The following GRHL2 variants were observed in gnomAD, a reference collection of about 807,000 sequenced individuals.
The protein encoded by GRHL2 is grainyhead-like protein 2 homolog.
In GRHL2, 21 loss-of-function variants were observed where a neutral mutation model predicts 83.8. That is an observed-to-expected ratio of 0.25 (90% confidence interval 0.18 to 0.36). GRHL2 has a LOEUF of 0.36. GRHL2 is among the 10% of genes least tolerant of loss of function. The pLI is 1.00. For synonymous variants in GRHL2, 280 were observed against 278.9 expected (o/e 1.00, Z -0.04); for missense variants, 623 against 781.8 (o/e 0.80, Z 2.42).
intron 3 of GRHL2, 52 bp from the exon 4 acceptor site, chr8:101,558,367 C>T: frequency 3.7e-6 from 6 of 1,605,410 alleles, no homozygotes; most frequent in East Asian, 2.2e-5. Flanking sequence ...TAGGCGTTGC[C>T]GAATGGTGAT....
At chr8:101,620,929 A>AG (rs1344304163) in intron 9 of GRHL2, among the ~76,000 whole-genome samples, 1 of 151,792 alleles carries the variant, frequency 6.6e-6, no homozygotes, top group Non-Finnish European at 1.5e-5. Context: ...CCTGCTTTGG[A>AG]GAAAAAAAAA....
chr8:101,507,834 G>A (rs1229674228), intron 1 of GRHL2, among the ~76,000 whole-genome samples: 2 of 138,056 alleles, frequency 1.4e-5, no homozygotes, highest in African/African-American at 2.8e-5. Flanking sequence ...CTGGAGTGCA[G>A]TGGTGCAGTC....
Position 101,559,351 on chromosome 8 carries a change from T to TGCAAAAAAAAAAAAAAAA in GRHL2, c.678+539_678+540insGCAAAAAAAAAAAAAAAA, listed in dbSNP as rs1285229771. Among the ~76,000 whole-genome samples the TGCAAAAAAAAAAAAAAAA allele has an allele frequency of 1.6e-3, 30 of 19,220 alleles. 2 individuals are homozygous for TGCAAAAAAAAAAAAAAAA. Among genetic ancestry groups the TGCAAAAAAAAAAAAAAAA allele is most frequent in the Non-Finnish European group, 2.7e-3 (18 of 6,754 alleles). 12.6% of individuals were successfully genotyped at this position (19,220 alleles called of 152,430 possible). A position where few individuals can be genotyped will look rare whatever the true frequency, so the allele number is the denominator to read the frequency against. Reference sequence around the variant, plus strand: ...GGTGAACTCCTGTCTCTACTAAAAATACAAAAAAAAAAAAAAAAAAAAAAA... The same window carrying TGCAAAAAAAAAAAAAAAA: ...GGTGAACTCCTGTCTCTACTAAAAATGCAAAAAAAAAAAAAAAAACAAAAAAAAAAAAAAAAAAAAAAA... On this transcript the variant is annotated intron_variant, in intron 4 of 15. Coordinates refer to ENST00000646743, the MANE Select transcript of GRHL2 (RefSeq NM_024915.4).
rs567703895 is a variant in GRHL2 at position 101,502,604 on chromosome 8, G to C, written c.20+9815G>C. On this transcript the variant is annotated intron_variant, in intron 1 of 15. Transcript: ENST00000646743. ...CAGGGACGCTGAGAACTTCTTCCCA[G>C]AGACAGCCCAGGAAGTGTTCATTCT... Among the ~76,000 whole-genome samples the C allele has an allele frequency of 1.5e-3, 222 of 152,314 alleles. 2 individuals carry two copies. The highest frequency in any genetic ancestry group is 4.9e-3 in the African/African-American group (203 of 41,566).
intron 7 of GRHL2, among the ~76,000 whole-genome samples, chr8:101,587,265 G>C (rs577262141): frequency 6.6e-6 from 1 of 152,190 alleles, no homozygotes; most frequent in Non-Finnish European, 1.5e-5. Context: ...TTAAAGCCAT[G>C]AGCAGTTAAC....
At chr8:101,651,398 T>C (rs377603340) in intron 14 of GRHL2, among the ~76,000 whole-genome samples, 2 of 152,246 alleles carry the variant, frequency 1.3e-5, no homozygotes, top group Admixed American at 6.5e-5. Context: ...CAGGAACTTA[T>C]ATTTTTAACG....
At chr8:101,646,733 T>C (rs1418225226) in intron 13 of GRHL2, among the ~76,000 whole-genome samples, 2 of 152,248 alleles carry the variant, frequency 1.3e-5, no homozygotes, top group Non-Finnish European at 2.9e-5. Flanking sequence ...GCTGCCCATG[T>C]GGCCACCTGC....
chr8:101,581,650 C>T (rs1011731574), intron 7 of GRHL2, among the ~76,000 whole-genome samples: 1 of 152,180 alleles, frequency 6.6e-6, no homozygotes, highest in Non-Finnish European at 1.5e-5. Context: ...AGTTATTCCA[C>T]ATTCGTTCTG....
In GRHL2 at chr8:101,632,364, A is replaced by G; in HGVS notation, c.1484A>G (p.Gln495Arg). 6.2e-7 allele frequency: 1 copy of G among 1,613,912 alleles called. No individual in the cohort carries two copies. Residue 495 changes from glutamine (Q) to arginine (R), a missense_variant and splice_region_variant, in exon 11 of 16, where the codon CAG (glutamine) becomes CGG (arginine). Gln to Arg is a conservative substitution (Grantham distance 43, BLOSUM62 1). This residue lies in a region of GRHL2 where 210 missense variants were observed against 254.8 expected (regional missense o/e 0.82). Transcript: ENST00000646743. ...VHFANLQRTG[Q>R]VYYNTDDERE... ...TTTGCAAACCTGCAGAGGACCGGAC[A>G]GGTATGACCTACCAGCTAACGCCCA...
At chr8:101,553,842 G>A (rs776941237) in intron 3 of GRHL2, among the ~76,000 whole-genome samples, 2 of 151,930 alleles carry the variant, frequency 1.3e-5, no homozygotes, top group South Asian at 4.2e-4. Flanking sequence ...TGGCCAGGAT[G>A]GGCTCTATCT....
chr8:101,591,415 T>C (rs371393855), intron 7 of GRHL2, among the ~76,000 whole-genome samples: 5 of 152,328 alleles, frequency 3.3e-5, no homozygotes, highest in South Asian at 4.1e-4. Context: ...TCCTCTCTAC[T>C]GAAGCACCCC....
intron 9 of GRHL2, among the ~76,000 whole-genome samples, chr8:101,629,381 G>A (rs1195309420): frequency 1.3e-5 from 2 of 151,594 alleles, no homozygotes; most frequent in African/African-American, 2.4e-5. Flanking sequence ...TTGCACACTT[G>A]ATATAGTATA....
chr8:101,545,769 A>T (rs901555544), intron 2 of GRHL2, among the ~76,000 whole-genome samples: 1 of 151,856 alleles, frequency 6.6e-6, no homozygotes, highest in Non-Finnish European at 1.5e-5. Flanking sequence ...ATGAAAAAAT[A>T]GTCAAAACTT....
rs1811190855 is a variant in GRHL2, at chr8:101,543,212, T to A, written c.21-29T>A. On this transcript the variant is annotated intron_variant, in intron 1 of 15. Transcript: ENST00000646743. ...GTAAAAAATTTGCTCTCTCTGAAAA[T>A]GAACCTCACATTTCTCTTGTTTTTA... 1.9e-6 allele frequency: 3 copies of A among 1,588,998 alleles called. No individual in the cohort carries two copies. In the East Asian group the frequency reaches 6.7e-5, roughly 36 times the overall value.
rs1319681437 is a variant in GRHL2 at position 101,636,936 on chromosome 8, A to C, written c.1517+8A>C. ...GGATGATGAACGAGAAGGGTAAGAC[A>C]CTCAGTTCTTTCATTTCAACACTCC... On this transcript the variant is annotated splice_region_variant and intron_variant, in intron 12 of 15. Coordinates refer to ENST00000646743, the MANE Select transcript of GRHL2 (RefSeq NM_024915.4). 6.2e-7 allele frequency: 1 copy of C among 1,612,604 alleles called. No individual in the cohort carries two copies. Among genetic ancestry groups the C allele is most frequent in the African/African-American group, 1.3e-5 (1 of 74,844 alleles).
intron 1 of GRHL2, among the ~76,000 whole-genome samples, chr8:101,496,462 C>T (rs1265423404): frequency 6.6e-6 from 1 of 152,030 alleles, no homozygotes; most frequent in Non-Finnish European, 1.5e-5. Context: ...TACATATACC[C>T]ATTCACTTTT....
chr8:101,533,623 G>C (rs1270611245), intron 1 of GRHL2, among the ~76,000 whole-genome samples: 2 of 152,172 alleles, frequency 1.3e-5, no homozygotes, highest in African/African-American at 4.8e-5. Flanking sequence ...AAAGAGTCGA[G>C]AGCTGGGTAA....
At chr8:101,580,978 T>C (rs1460286472) in intron 7 of GRHL2, among the ~76,000 whole-genome samples, 1 of 152,142 alleles carries the variant, frequency 6.6e-6, no homozygotes, top group Non-Finnish European at 1.5e-5. Context: ...GCTGGGATTA[T>C]AGGCGTAAGC....
intron 2 of GRHL2, chr8:101,543,651 A>G (rs1811201644): frequency 3.4e-6 from 2 of 585,022 alleles, no homozygotes; most frequent in South Asian, 1.9e-5. Flanking sequence ...TCATTTTGGG[A>G]TAATATTTTT....
Sources: allele counts gnomAD v4.1 joint callset (sites outside exome capture counted in the v4.1 genomes callset), GRCh38; gene constraint gnomAD v4.1.1; regional missense constraint gnomAD v4.1.1; transcripts MANE v1.5; gene names NCBI Gene and HGNC (gene_info 2026-07-23, HGNC 2026-07-21).